The following SH3GL2 variants were observed in gnomAD, a reference collection of about 807,000 sequenced individuals.
The protein encoded by SH3GL2 is endophilin-A1.
A neutral mutation model predicts 46.0 loss-of-function variants in SH3GL2; 24 were observed. That is an observed-to-expected ratio of 0.52 (90% CI 0.38 to 0.73). The LOEUF is 0.73. Ranked by LOEUF, SH3GL2 falls within the 30% of genes least tolerant of loss-of-function variation. SH3GL2 has a pLI of 0.00. For synonymous variants in SH3GL2, 196 were observed against 147.1 expected, an observed-to-expected ratio of 1.33 and a Z score of -2.40; for missense variants, 413 against 424.2, an observed-to-expected ratio of 0.97 and a Z score of 0.23.
intron 1 of SH3GL2, among the ~76,000 whole-genome samples, chr9:17,728,432 C>T (rs1295103675): frequency 6.6e-6 from 1 of 151,830 alleles, no homozygotes; most frequent in Non-Finnish European, 1.5e-5. Context: ...TACAGATACT[C>T]TTCTGAATTT....
intron 1 of SH3GL2, among the ~76,000 whole-genome samples, chr9:17,614,195 C>T (rs984757986): frequency 7.0e-6 from 1 of 143,542 alleles, no homozygotes; most frequent in Non-Finnish European, 1.5e-5. Flanking sequence ...TGATCATTCT[C>T]AGTAAATCAC....
intron 1 of SH3GL2, among the ~76,000 whole-genome samples, chr9:17,728,769 T>C (rs1302573372): frequency 6.6e-6 from 1 of 152,198 alleles, no homozygotes; most frequent in Non-Finnish European, 1.5e-5. Context: ...AATGATGGTT[T>C]CCATCCTCAT....
At position 17,761,293 on chromosome 9, in the gene SH3GL2, G is replaced by A. The variant is rs1485012815; in HGVS notation, c.115-144G>A. On this transcript the variant is annotated intron_variant, in intron 2 of 8. Transcript: ENST00000380607. The stretch of plus-strand genomic sequence containing the variant: ...GAGTACAGTGTCAGCATGACTTCCA[G>A]CCGCGTCTCAGCCTCCCTCACCTAC... The A allele has an allele frequency of 1.7e-5, 11 of 647,412 alleles. No individual in the cohort carries two copies. In the Admixed American group the frequency reaches 2.6e-4, roughly 15 times the overall value. 40.1% of individuals were successfully genotyped at this position (647,412 alleles called of 1,614,324 possible).
chr9:17,731,277 C>T (rs913527597), intron 1 of SH3GL2, among the ~76,000 whole-genome samples: 4 of 151,942 alleles, frequency 2.6e-5, no homozygotes, highest in African/African-American at 4.8e-5. Context: ...AAGCCCTAAC[C>T]CCTAATGTGA....
chr9:17,686,143 C>T (rs1277675629), intron 1 of SH3GL2, among the ~76,000 whole-genome samples: 1 of 134,272 alleles, frequency 7.4e-6, no homozygotes, highest in Non-Finnish European at 1.5e-5. Context: ...TGAACAGACA[C>T]TTCTCAAAAG....
intron 1 of SH3GL2, among the ~76,000 whole-genome samples, chr9:17,736,368 C>T (rs907620961): frequency 2.0e-5 from 3 of 152,048 alleles, no homozygotes; most frequent in African/African-American, 7.2e-5. Flanking sequence ...TGTCAGTAAA[C>T]AGGACTTTTA....
intron 1 of SH3GL2, among the ~76,000 whole-genome samples, chr9:17,709,819 T>C (rs1821571759): frequency 6.6e-6 from 1 of 151,902 alleles, no homozygotes; most frequent in Admixed American, 6.6e-5. Context: ...TATATTGAGT[T>C]CCTAGTATGT....
At chr9:17,682,635 A>G (rs1280426444) in intron 1 of SH3GL2, among the ~76,000 whole-genome samples, 1 of 151,938 alleles carries the variant, frequency 6.6e-6, no homozygotes, top group Non-Finnish European at 1.5e-5. Context: ...ATACCTATGT[A>G]ACAAACCTGC....
intron 1 of SH3GL2, among the ~76,000 whole-genome samples, chr9:17,708,687 T>C (rs1435371531): frequency 6.6e-6 from 1 of 152,022 alleles, no homozygotes; most frequent in Non-Finnish European, 1.5e-5. Flanking sequence ...CCTCTTGTTG[T>C]GCTTCAGGTT....
Position 17,795,559 on chromosome 9 carries a change from A to T in SH3GL2, c.875A>T (p.Gln292Leu), listed in dbSNP as rs750835538. 6.2e-7 allele frequency: 1 copy of T among 1,613,926 alleles called. No individual in the cohort carries two copies. Among genetic ancestry groups the T allele is most frequent in the African/African-American group, 1.3e-5 (1 of 75,032 alleles). The change falls in exon 9 of 9, where the codon CAG (glutamine) becomes CTG (leucine). Residue 292 changes from glutamine to leucine, a missense_variant. Around this residue, in one of 3 missense-constraint regions of SH3GL2, gnomAD observed 248 missense variants for 215.0 expected, o/e 1.15. Coordinates refer to ENST00000380607, the MANE Select transcript of SH3GL2 (RefSeq NM_003026.5). ...TPKPSGVQMD[Q>L]PCCRALYDFE... ...TTACTCCCAGGTGTCCAAATGGATC[A>T]GCCCTGCTGCCGAGCTCTGTACGAC... is the stretch of plus-strand genomic sequence containing the variant.
chr9:17,718,748 C>T (rs1821822537), intron 1 of SH3GL2, among the ~76,000 whole-genome samples: 1 of 151,998 alleles, frequency 6.6e-6, no homozygotes, highest in Non-Finnish European at 1.5e-5. Context: ...ATGCTAACTC[C>T]CAGGCCCCAC....
chr9:17,719,549 G>A (rs1039105836), intron 1 of SH3GL2, among the ~76,000 whole-genome samples: 1 of 152,216 alleles, frequency 6.6e-6, no homozygotes, highest in African/African-American at 2.4e-5. Flanking sequence ...ACTTTGGGAG[G>A]CCAACGTGGG....
chr9:17,661,478 G>A (rs1820213325), intron 1 of SH3GL2, among the ~76,000 whole-genome samples: 2 of 152,102 alleles, frequency 1.3e-5, no homozygotes, highest in South Asian at 4.1e-4. Context: ...GGAAATAACA[G>A]GTAAAACAGA....
At position 17,579,096 on chromosome 9, in the gene SH3GL2, C is replaced by T. The variant is rs1241152932; in HGVS notation, c.-147C>T. 7 of 502,812 alleles carry T rather than the reference C, an allele frequency of 1.4e-5. No homozygotes were observed. Among genetic ancestry groups the T allele is most frequent in the Non-Finnish European group, 1.7e-5 (5 of 294,356 alleles). 31.1% of individuals were successfully genotyped at this position (502,812 alleles called of 1,614,324 possible). ...AGTGTTTCTCCGCAAGAGCCCGTGT[C>T]CCGCTAGGCTCCGCGCCCTCGCGCC... On this transcript the variant is annotated 5_prime_UTR_variant, in exon 1 of 9. Transcript: ENST00000380607.
intron 1 of SH3GL2, among the ~76,000 whole-genome samples, chr9:17,746,329 G>C (rs1822684923): frequency 6.6e-6 from 1 of 152,166 alleles, no homozygotes; most frequent in Non-Finnish European, 1.5e-5. Flanking sequence ...ACCCGCCTCG[G>C]CCTCCCAAAG....
At chr9:17,741,493 A>G (rs1403532189) in intron 1 of SH3GL2, among the ~76,000 whole-genome samples, 1 of 152,200 alleles carries the variant, frequency 6.6e-6, no homozygotes, top group African/African-American at 2.4e-5. Context: ...AAAATGTAAT[A>G]CATCACACAG....
chr9:17,793,456 C>G lies in SH3GL2; in HGVS notation c.818C>G (p.Pro273Arg), dbSNP rs1312147607. Residue 273 changes from proline (P) to arginine (R), a missense_variant, in exon 8 of 9, where the codon CCC (proline) becomes CGC (arginine). Pro to Arg is a moderately radical substitution (Grantham distance 103). Transcript: ENST00000380607. The stretch of plus-strand genomic sequence containing the variant: ...TTTCCAACTGGAGACAGTACTCAGC[C>G]CAATGGGGGTCTCTCCCACACAGGC... Reference protein sequence around the residue: ...LEFPTGDSTQPNGGLSHTGTP... With the variant: ...LEFPTGDSTQRNGGLSHTGTP... The G allele has an allele frequency of 2.5e-6, 4 of 1,611,850 alleles. No individual in the cohort carries two copies. The highest frequency in any genetic ancestry group is 3.4e-5 in the Admixed American group (2 of 59,386).
At chr9:17,751,844 C>G (rs1184784611) in intron 2 of SH3GL2, among the ~76,000 whole-genome samples, 1 of 151,490 alleles carries the variant, frequency 6.6e-6, no homozygotes, top group Non-Finnish European at 1.5e-5. Context: ...GAGCATTGTG[C>G]TAAGACACAC....
intron 1 of SH3GL2, among the ~76,000 whole-genome samples, chr9:17,593,614 A>G (rs1386660920): frequency 3.9e-5 from 6 of 152,128 alleles, no homozygotes; most frequent in South Asian, 4.1e-4. Context: ...TAATTTGACT[A>G]TGGAAATGGT....
Sources: allele counts gnomAD v4.1 joint callset (sites outside exome capture counted in the v4.1 genomes callset), GRCh38; gene constraint gnomAD v4.1.1; regional missense constraint gnomAD v4.1.1; transcripts MANE v1.5; gene names NCBI Gene and HGNC (gene_info 2026-07-23, HGNC 2026-07-21).